Variants in ATP8A1 observed in about 807,000 individuals in gnomAD.
The protein encoded by ATP8A1 is ATPase phospholipid transporting 8A1.
Under a neutral mutation model 177.7 loss-of-function variants are expected in ATP8A1, and 90 were observed. That is an observed-to-expected ratio of 0.51 (90% CI 0.43 to 0.60). The LOEUF is 0.60. Ranked by LOEUF, ATP8A1 falls within the 20% of genes least tolerant of loss-of-function variation. The pLI, the probability that ATP8A1 is intolerant of heterozygous loss-of-function variation, is 0.00. For missense variants in ATP8A1, 1,072 were observed against 1,392.8 expected (o/e 0.77, Z 3.67); for synonymous variants, 493 against 485.9 (o/e 1.01, Z -0.19).
At chr4:42,524,464 C>T (rs1218273663) in intron 21 of ATP8A1, among the ~76,000 whole-genome samples, 2 of 148,932 alleles carry the variant, frequency 1.3e-5, no homozygotes, top group African/African-American at 2.5e-5. Context: ...ATGAATTGCT[C>T]GAGATACAAA....
chr4:42,448,821 A>G (rs1210114917), intron 30 of ATP8A1, among the ~76,000 whole-genome samples: 2 of 125,356 alleles, frequency 1.6e-5, no homozygotes, highest in Non-Finnish European at 3.3e-5. Context: ...TCTACTTTGT[A>G]CTTTGCGTTT....
rs745365626 is a variant in ATP8A1, at chr4:42,600,543, T to C, written c.410-25A>G. The stretch of plus-strand genomic sequence containing the variant: ...ACTGGAAAGAGAAAAGGTGACATTT[T>C]AAACAACATGTTTTACTATGAAAAG... On this transcript the variant is annotated intron_variant, in intron 5 of 36. Coordinates refer to ENST00000381668, the MANE Select transcript of ATP8A1 (RefSeq NM_006095.2). 4 of 1,602,652 alleles carry C rather than the reference T, an allele frequency of 2.5e-6. No homozygotes were observed. In the African/African-American group the frequency reaches 4.0e-5, roughly 16 times the overall value.
chr4:42,509,839 G>A (rs1386416452), intron 22 of ATP8A1, among the ~76,000 whole-genome samples: 5 of 125,682 alleles, frequency 4.0e-5, no homozygotes, highest in African/African-American at 1.5e-4. Flanking sequence ...GCAACAGAGC[G>A]AGACAGTCTC....
At chr4:42,556,591 GAACA>G (rs1327713999) in intron 15 of ATP8A1, among the ~76,000 whole-genome samples, 1 of 151,970 alleles carries the variant, frequency 6.6e-6, no homozygotes, top group African/African-American at 2.4e-5. Context: ...GTAAATATAA[GAACA>G]AATAATAAAA....
At chr4:42,534,676 TCA>T (rs1185578726) in intron 20 of ATP8A1, among the ~76,000 whole-genome samples, 1 of 151,928 alleles carries the variant, frequency 6.6e-6, no homozygotes, top group African/African-American at 2.4e-5. Flanking sequence ...GAGAAATACA[TCA>T]CAAAAAGATC....
At chr4:42,445,000 T>TA (rs1218930868) in intron 31 of ATP8A1, among the ~76,000 whole-genome samples, 1 of 152,248 alleles carries the variant, frequency 6.6e-6, no homozygotes, top group Admixed American at 6.5e-5. Context: ...TACCTTTATT[T>TA]TAAATCTCCT....
chr4:42,459,202 A>G (rs181201120), intron 27 of ATP8A1, among the ~76,000 whole-genome samples: 42 of 152,372 alleles, frequency 2.8e-4, no homozygotes, highest in African/African-American at 9.9e-4. Context: ...ATCAGTGTCA[A>G]ATATCTCATG....
rs540245467 is a variant in ATP8A1 at position 42,565,949 on chromosome 4, A to C, written c.1340+3212T>G. ...AGTAGATTTTTAATAAAAAGGAATT[A>C]ATCTGTGAGGTTATATGCTAGCTGA... On this transcript the variant is annotated intron_variant, in intron 15 of 36. Transcript: ENST00000381668. 1.4e-4 allele frequency among the ~76,000 whole-genome samples: 22 copies of C among 152,322 alleles called. 1 individual carries two copies. The South Asian group carries it at 3.5e-3, about 24-fold the overall frequency.
chr4:42,495,571 A>G (rs987668163), intron 24 of ATP8A1, among the ~76,000 whole-genome samples: 11 of 151,920 alleles, frequency 7.2e-5, no homozygotes, highest in African/African-American at 2.7e-4. Flanking sequence ...ACCCCCTGAC[A>G]CATTATAAAA....
chr4:42,488,872 G>A (rs1403091177), intron 24 of ATP8A1, among the ~76,000 whole-genome samples: 4 of 152,148 alleles, frequency 2.6e-5, no homozygotes, highest in Admixed American at 1.3e-4. Flanking sequence ...GAAAGACCGC[G>A]TTAAACCTGT....
intron 24 of ATP8A1, among the ~76,000 whole-genome samples, chr4:42,502,045 CTTTT>C (rs111244110): frequency 6.7e-6 from 1 of 149,018 alleles, no homozygotes; most frequent in Non-Finnish European, 1.5e-5. Flanking sequence ...AACTGATATA[CTTTT>C]TTTTTTTCAA....
intron 35 of ATP8A1, among the ~76,000 whole-genome samples, chr4:42,418,033 C>T (rs1030201408): frequency 7.9e-5 from 12 of 152,176 alleles, no homozygotes; most frequent in Non-Finnish European, 1.3e-4. Context: ...GATATAAAAT[C>T]GAGTGTGAAC....
At chr4:42,465,122 A>G in intron 25 of ATP8A1, 46 bp from the exon 26 acceptor site, 1 of 1,532,172 alleles carries the variant, frequency 6.5e-7, no homozygotes, top group Non-Finnish European at 8.9e-7. Context: ...GAAAAAAGGA[A>G]TTTTGAAATG....
intron 25 of ATP8A1, among the ~76,000 whole-genome samples, chr4:42,467,919 C>T (rs749788873): frequency 6.6e-6 from 1 of 152,108 alleles, no homozygotes; most frequent in Non-Finnish European, 1.5e-5. Flanking sequence ...GTTGGATATA[C>T]AGATTGTGAA....
intron 25 of ATP8A1, among the ~76,000 whole-genome samples, chr4:42,477,720 A>G: frequency 6.6e-6 from 1 of 151,762 alleles, no homozygotes; most frequent in East Asian, 1.9e-4. Flanking sequence ...GCCTGTAATC[A>G]CTGCACTTTG....
At chr4:42,640,651 G>A (rs1264302714) in intron 1 of ATP8A1, among the ~76,000 whole-genome samples, 1 of 152,198 alleles carries the variant, frequency 6.6e-6, no homozygotes, top group Non-Finnish European at 1.5e-5. Context: ...TCACAACTAT[G>A]TAGCTGACAA....
intron 31 of ATP8A1, 23 bp downstream of exon 31, chr4:42,446,560 C>T (rs750903009): frequency 1.2e-5 from 20 of 1,608,916 alleles, no homozygotes; most frequent in South Asian, 2.2e-5. Flanking sequence ...TACACGCAAA[C>T]GAGACCGACA....
At chr4:42,613,669 C>T (rs1487497124) in intron 5 of ATP8A1, among the ~76,000 whole-genome samples, 4 of 152,022 alleles carry the variant, frequency 2.6e-5, no homozygotes, top group African/African-American at 4.8e-5. Context: ...CTGCAACCTC[C>T]GCCTCCTGGG....
chr4:42,593,461 TATAA>T (rs1734397868), intron 6 of ATP8A1, among the ~76,000 whole-genome samples: 1 of 152,082 alleles, frequency 6.6e-6, no homozygotes, highest in Non-Finnish European at 1.5e-5. Flanking sequence ...AAATATCTAG[TATAA>T]ATACTTTTAT....
Sources: gnomAD v4.1 joint callset for allele counts (sites outside exome capture counted in the v4.1 genomes callset) on GRCh38, gnomAD v4.1.1 for gene constraint, MANE v1.5 for transcripts, NCBI Gene and HGNC (gene_info 2026-07-23, HGNC 2026-07-21) for gene names.